PARVA: variants seen among roughly 807,000 people sequenced by gnomAD.
PARVA encodes the protein alpha-parvin.
PARVA carries 25 observed loss-of-function variants against 52.6 expected under a neutral mutation model. The observed-to-expected ratio is 0.48, with a 90% CI of 0.35 to 0.66. The LOEUF (loss-of-function observed/expected upper bound fraction) is 0.66. PARVA is among the 30% of genes least tolerant of loss of function. PARVA has a pLI of 0.01. For missense variants in PARVA, 373 were observed against 450.9 expected (o/e 0.83, Z 1.56); for synonymous variants, 185 against 179.1 (o/e 1.03, Z -0.26).
At chr11:12,511,796 A>C (rs554418860) in intron 8 of PARVA, among the ~76,000 whole-genome samples, 1 of 152,362 alleles carries the variant, frequency 6.6e-6, no homozygotes, top group Non-Finnish European at 1.5e-5. Flanking sequence ...TGATGTTCAC[A>C]GTAAACACAT....
chr11:12,451,562 G>A (rs1350569093), intron 1 of PARVA, among the ~76,000 whole-genome samples: 1 of 151,904 alleles, frequency 6.6e-6, no homozygotes, highest in Admixed American at 6.6e-5. Context: ...TTTCTGGGGA[G>A]GTATAATATG....
At chr11:12,451,683 T>C (rs942866964) in intron 1 of PARVA, among the ~76,000 whole-genome samples, 1 of 152,222 alleles carries the variant, frequency 6.6e-6, no homozygotes, top group African/African-American at 2.4e-5. Flanking sequence ...CTCTTTTACA[T>C]ACTCTAATGC....
intron 1 of PARVA, among the ~76,000 whole-genome samples, chr11:12,439,851 T>C (rs1471734495): frequency 2.0e-5 from 3 of 152,232 alleles, no homozygotes; most frequent in Admixed American, 2.0e-4. Flanking sequence ...TTTGCATAAC[T>C]GGCTCCTTCA....
chr11:12,498,651 T>C (rs1256114469), intron 5 of PARVA, among the ~76,000 whole-genome samples: 1 of 149,094 alleles, frequency 6.7e-6, no homozygotes, highest in Non-Finnish European at 1.5e-5. Context: ...CTTGGCTCAC[T>C]GCAACCTTCG....
At chr11:12,464,989 A>G (rs1303525380) in intron 1 of PARVA, among the ~76,000 whole-genome samples, 13 of 152,314 alleles carry the variant, frequency 8.5e-5, no homozygotes, top group Admixed American at 7.8e-4. Flanking sequence ...AACCTAGATC[A>G]CTTGCATGCA....
At chr11:12,409,300 T>C (rs2134972916) in intron 1 of PARVA, among the ~76,000 whole-genome samples, 2 of 152,364 alleles carry the variant, frequency 1.3e-5, no homozygotes, top group Non-Finnish European at 2.9e-5. Flanking sequence ...AGAATGGTTA[T>C]CTCCTACAGT....
intron 1 of PARVA, among the ~76,000 whole-genome samples, chr11:12,434,099 A>G (rs1231332492): frequency 6.6e-6 from 1 of 152,160 alleles, no homozygotes; most frequent in East Asian, 1.9e-4. Context: ...TCATAAATCC[A>G]AGGTTGGCCT....
intron 1 of PARVA, among the ~76,000 whole-genome samples, chr11:12,437,781 T>A (rs913815896): frequency 1.3e-5 from 2 of 152,122 alleles, no homozygotes; most frequent in South Asian, 2.1e-4. Flanking sequence ...ATGTGGGGAA[T>A]GTGCAGGGGA....
chr11:12,425,041 C>G (rs896917729), intron 1 of PARVA, among the ~76,000 whole-genome samples: 5 of 152,120 alleles, frequency 3.3e-5, no homozygotes, highest in African/African-American at 9.7e-5. Flanking sequence ...GTGTTGTCCT[C>G]AGGTGTTTCA....
chr11:12,405,156 C>G (rs1360647871), intron 1 of PARVA, among the ~76,000 whole-genome samples: 3 of 151,886 alleles, frequency 2.0e-5, no homozygotes, highest in Non-Finnish European at 4.4e-5. Context: ...AAAAAGAGTC[C>G]AAAGAGAAAG....
chr11:12,487,491 A>G (rs1941174475), intron 4 of PARVA, among the ~76,000 whole-genome samples: 1 of 151,632 alleles, frequency 6.6e-6, no homozygotes, highest in African/African-American at 2.4e-5. Flanking sequence ...TGGAACATTC[A>G]TTTTCTCAGT....
At chr11:12,433,395 A>G (rs1051162664) in intron 1 of PARVA, among the ~76,000 whole-genome samples, 3 of 152,262 alleles carry the variant, frequency 2.0e-5, no homozygotes, top group Admixed American at 1.3e-4. Context: ...AATTAAAATT[A>G]TGTAAATGAT....
At chr11:12,447,856 C>T (rs1940568319) in intron 1 of PARVA, among the ~76,000 whole-genome samples, 1 of 152,156 alleles carries the variant, frequency 6.6e-6, no homozygotes, top group Admixed American at 6.5e-5. Flanking sequence ...CAGTAGGACC[C>T]CTGTTGAGGG....
In PARVA at chr11:12,377,637, T is replaced by G; in HGVS notation, c.-11T>G. On this transcript the variant is annotated 5_prime_UTR_variant, in exon 1 of 13. Coordinates refer to ENST00000334956, the MANE Select transcript of PARVA (RefSeq NM_018222.5). ...GCGTCCCGACCGGCCCGCGGCAGCC[T>G]GCGCCGCGCCATGGCCACCTCCCCG... The G allele has an allele frequency of 6.4e-7, 1 of 1,566,088 alleles. No homozygotes were observed. Among genetic ancestry groups the G allele is most frequent in the Non-Finnish European group, 8.6e-7 (1 of 1,161,892 alleles).
intron 4 of PARVA, among the ~76,000 whole-genome samples, chr11:12,491,235 C>T (rs964376092): frequency 1.3e-5 from 2 of 152,120 alleles, no homozygotes; most frequent in South Asian, 2.1e-4. Flanking sequence ...CAATCACAGC[C>T]GACTGTAGCC....
rs191758372 is a variant in PARVA at position 12,439,771 on chromosome 11, G to A, written c.137-33974G>A. ...TGCCCTGGCCTTCTTGTTCCCTACA[G>A]GAGCAAAGTACATTTACATTTCAAA... On this transcript the variant is annotated intron_variant, in intron 1 of 12. Transcript: ENST00000334956. Among the ~76,000 whole-genome samples the A allele has an allele frequency of 9.9e-5, 15 of 152,202 alleles. No homozygotes were observed. In the East Asian group the frequency reaches 1.4e-3, roughly 14 times the overall value.
At chr11:12,482,721 T>C (rs112917221) in intron 4 of PARVA, among the ~76,000 whole-genome samples, 1 of 151,906 alleles carries the variant, frequency 6.6e-6, no homozygotes, top group African/African-American at 2.4e-5. Flanking sequence ...AAGAACAAAG[T>C]CATGTCTTAC....
intron 1 of PARVA, among the ~76,000 whole-genome samples, chr11:12,384,266 G>C (rs778994089): frequency 2.0e-5 from 3 of 152,146 alleles, no homozygotes; most frequent in Non-Finnish European, 2.9e-5. Context: ...CTACTCACCA[G>C]ATGCCTTGAA....
intron 1 of PARVA, among the ~76,000 whole-genome samples, chr11:12,379,804 T>G (rs1939459363): frequency 6.6e-6 from 1 of 152,108 alleles, no homozygotes; most frequent in Non-Finnish European, 1.5e-5. Context: ...ACCCATCGAG[T>G]AGTGTACAGT....
Sources: allele counts gnomAD v4.1 joint callset (sites outside exome capture counted in the v4.1 genomes callset), GRCh38; gene constraint gnomAD v4.1.1; transcripts MANE v1.5; gene names NCBI Gene and HGNC (gene_info 2026-07-23, HGNC 2026-07-21).